Variants in PRMT8 observed in about 807,000 individuals in gnomAD.
PRMT8 encodes the protein protein arginine methyltransferase 8.
A neutral mutation model predicts 47.1 loss-of-function variants in PRMT8; 7 were observed. That is an observed-to-expected ratio of 0.15 (90% CI 0.08 to 0.28). PRMT8 has a LOEUF of 0.28. Among genes scored for constraint, PRMT8 ranks in the 10% least tolerant of loss-of-function variants. The pLI, the probability that PRMT8 is intolerant of heterozygous loss-of-function variation, is 1.00. For synonymous variants in PRMT8, 188 were observed against 186.5 expected, an observed-to-expected ratio of 1.01 and a Z score of -0.07; for missense variants, 237 against 505.4, an observed-to-expected ratio of 0.47 and a Z score of 5.09.
chr12:3,541,549 A>T (rs534150087), intron 2 of PRMT8, among the ~76,000 whole-genome samples: 6 of 152,220 alleles, frequency 3.9e-5, no homozygotes, highest in African/African-American at 9.7e-5. Flanking sequence ...TTTAAACTCT[A>T]TGAAGAAAAT....
At chr12:3,533,689 CAG>C (rs1491021802) in intron 1 of PRMT8, among the ~76,000 whole-genome samples, 5 of 152,230 alleles carry the variant, frequency 3.3e-5, no homozygotes, top group African/African-American at 4.8e-5. Flanking sequence ...GATGATAAGA[CAG>C]GGGTGCAGGA....
intron 1 of PRMT8, among the ~76,000 whole-genome samples, chr12:3,404,963 G>C (rs536950520): frequency 3.9e-5 from 6 of 152,250 alleles, no homozygotes; most frequent in African/African-American, 1.4e-4. Flanking sequence ...AGCCATAGCA[G>C]TTTTCATTTG....
chr12:3,558,649 C>G (rs1042784599), intron 4 of PRMT8, among the ~76,000 whole-genome samples: 5 of 152,168 alleles, frequency 3.3e-5, no homozygotes, highest in African/African-American at 1.2e-4. Flanking sequence ...AGAGCACAGG[C>G]CAGTGTTTTG....
intron 1 of PRMT8, among the ~76,000 whole-genome samples, chr12:3,478,261 C>CT (rs1252295930): frequency 3.9e-5 from 5 of 127,414 alleles, no homozygotes; most frequent in Admixed American, 8.0e-5. Flanking sequence ...ATCCACCTAT[C>CT]ATCTATCTAT....
In PRMT8 at chr12:3,586,363, C is replaced by T. The variant is rs1867173250; in HGVS notation, c.979+3155C>T. ...TTCCTTCCTAGTCTTTGGTCACACCCCCACCACAGTCCTACGTGGCTCAAA... is the reference window on the plus strand; with the variant it reads ...TTCCTTCCTAGTCTTTGGTCACACCTCCACCACAGTCCTACGTGGCTCAAA... On this transcript the variant is annotated intron_variant, in intron 8 of 9. Transcript: ENST00000382622. 2.0e-5 allele frequency among the ~76,000 whole-genome samples: 3 copies of T among 152,184 alleles called. No homozygotes were observed. In the South Asian group the frequency reaches 6.2e-4, roughly 31 times the overall value.
At chr12:3,455,015 A>G (rs1864958909) in intron 1 of PRMT8, among the ~76,000 whole-genome samples, 3 of 152,090 alleles carry the variant, frequency 2.0e-5, no homozygotes, top group Non-Finnish European at 2.9e-5. Context: ...CAACCAATCA[A>G]CAGCTCCAAT....
chr12:3,465,976 G>C (rs1005042887), intron 1 of PRMT8, among the ~76,000 whole-genome samples: 10 of 152,106 alleles, frequency 6.6e-5, no homozygotes, highest in South Asian at 4.1e-4. Context: ...TAGCTGAAAG[G>C]GGGGAGCTAG....
chr12:3,496,212 A>ATTTTTTTTTTTTTTTTTTT (rs1444249290), intron 1 of PRMT8, among the ~76,000 whole-genome samples: 7 of 19,398 alleles, frequency 3.6e-4, no homozygotes, highest in Non-Finnish European at 4.8e-4. Flanking sequence ...ATATATATAT[A>ATTTTTTTTTTTTTTTTTTT]TATTTTTTTT....
chr12:3,443,049 C>A (rs907262955), intron 1 of PRMT8, among the ~76,000 whole-genome samples: 2 of 152,122 alleles, frequency 1.3e-5, no homozygotes, highest in Non-Finnish European at 2.9e-5. Context: ...CCCTATAGGT[C>A]ATTTTTTAAA....
At position 3,480,078 on chromosome 12, in the gene PRMT8, C is replaced by A. The variant is rs1175109117; in HGVS notation, c.49-60528C>A. Among the ~76,000 whole-genome samples, 5 of 152,268 alleles carry A rather than the reference C, an allele frequency of 3.3e-5. 1 individual carries two copies. In the South Asian group the frequency reaches 1.0e-3, roughly 32 times the overall value. ...TCCATGGACATGGATAATGGACAAA[C>A]CCTGATGGGCATATTTCTTTAAAAT... is the stretch of plus-strand genomic sequence containing the variant. On this transcript the variant is annotated intron_variant, in intron 1 of 9. Coordinates refer to the PRMT8 transcript ENST00000452611.
At chr12:3,530,591 A>G (rs11062707) in intron 1 of PRMT8, among the ~76,000 whole-genome samples, 1,653 of 152,286 alleles carry the variant, frequency 0.011, 24 homozygotes, top group East Asian at 0.057. Context: ...CTACCTTCCT[A>G]AAGATATCAA....
At chr12:3,454,239 T>C (rs945601342) in intron 1 of PRMT8, among the ~76,000 whole-genome samples, 1 of 152,142 alleles carries the variant, frequency 6.6e-6, no homozygotes, top group Non-Finnish European at 1.5e-5. Context: ...TGAAGCCGCT[T>C]CTTCTGACTC....
chr12:3,448,028 T>C (rs1176042287), intron 1 of PRMT8, among the ~76,000 whole-genome samples: 1 of 152,222 alleles, frequency 6.6e-6, no homozygotes, highest in African/African-American at 2.4e-5. Context: ...GTTCTTGCTC[T>C]GTTGCCCAAG....
intron 1 of PRMT8, among the ~76,000 whole-genome samples, chr12:3,471,344 G>A (rs1013432040): frequency 6.6e-6 from 1 of 152,114 alleles, no homozygotes; most frequent in African/African-American, 2.4e-5. Context: ...GTATCAGTCA[G>A]AATCCCTCAG....
chr12:3,567,288 G>T (rs998593628), intron 4 of PRMT8, among the ~76,000 whole-genome samples: 1 of 152,220 alleles, frequency 6.6e-6, no homozygotes, highest in South Asian at 2.1e-4. Context: ...TTGGAGTTTA[G>T]TTAGGTCAAG....
chr12:3,439,582 C>G (rs1310460248), intron 1 of PRMT8, among the ~76,000 whole-genome samples: 1 of 152,204 alleles, frequency 6.6e-6, no homozygotes, highest in Non-Finnish European at 1.5e-5. Context: ...CAGAAAAACT[C>G]CTTTGCTGGC....
chr12:3,398,584 C>G (rs988402103), intron 1 of PRMT8, among the ~76,000 whole-genome samples: 2 of 152,210 alleles, frequency 1.3e-5, no homozygotes, highest in African/African-American at 4.8e-5. Flanking sequence ...TAGGAGCCTG[C>G]GTCCAGCTCA....
At chr12:3,520,653 A>G (rs1242375643) in intron 1 of PRMT8, among the ~76,000 whole-genome samples, 1 of 152,250 alleles carries the variant, frequency 6.6e-6, no homozygotes, top group Non-Finnish European at 1.5e-5. Context: ...AAAAAACACA[A>G]TAACTATGCT....
In PRMT8 at chr12:3,409,121, G is replaced by A. The variant is rs1864401741; in HGVS notation, c.48+27679G>A. ...AACCTACTGTGGCACCTGGGACTTG[G>A]GGTGAAGGTTCACTCTCTGTGAAGC... is the stretch of plus-strand genomic sequence containing the variant. On this transcript the variant is annotated intron_variant, in intron 1 of 9. Coordinates refer to the PRMT8 transcript ENST00000452611. This position sits in a 1 kb window ranked among gnomAD's most constrained non-coding sequence, Gnocchi z 4.4. Among the ~76,000 whole-genome samples the A allele has an allele frequency of 6.6e-6, 1 of 152,110 alleles. No individual in the cohort carries two copies. The highest frequency in any genetic ancestry group is 2.4e-5 in the African/African-American group (1 of 41,420).
Sources: allele counts gnomAD v4.1 joint callset (sites outside exome capture counted in the v4.1 genomes callset), GRCh38; gene constraint gnomAD v4.1.1; non-coding constraint Gnocchi (gnomAD v3.1); transcripts MANE v1.5; gene names NCBI Gene and HGNC (gene_info 2026-07-23, HGNC 2026-07-21).